Variants in BRMS1L observed in about 807,000 individuals in gnomAD.
BRMS1L encodes breast cancer metastasis-suppressor 1-like protein.
BRMS1L carries 23 observed loss-of-function variants against 50.3 expected under a neutral mutation model. The observed-to-expected ratio is 0.46, with a 90% CI of 0.33 to 0.65. BRMS1L has a LOEUF of 0.65. BRMS1L is among the 30% of genes least tolerant of loss of function. BRMS1L has a pLI of 0.02. For synonymous variants in BRMS1L, 114 were observed against 126.9 expected (o/e 0.90, Z 0.69); for missense variants, 286 against 386.1 (o/e 0.74, Z 2.17).
intron 4 of BRMS1L, among the ~76,000 whole-genome samples, chr14:35,856,968 C>T (rs937374248): frequency 2.0e-5 from 3 of 151,778 alleles, no homozygotes; most frequent in South Asian, 2.1e-4. Context: ...TGGCCGGGCA[C>T]GGTGGCTTAT....
At chr14:35,829,323 T>G (rs1281956977) in intron 1 of BRMS1L, among the ~76,000 whole-genome samples, 2 of 152,250 alleles carry the variant, frequency 1.3e-5, no homozygotes, top group African/African-American at 4.8e-5. Flanking sequence ...AAGGATCTCA[T>G]AAAATTCTAT....
At chr14:35,856,599 T>C (rs1205858903) in intron 4 of BRMS1L, among the ~76,000 whole-genome samples, 1 of 149,488 alleles carries the variant, frequency 6.7e-6, no homozygotes, top group Non-Finnish European at 1.5e-5. Flanking sequence ...TTAATAAGTA[T>C]GTACATTTTT....
chr14:35,851,774 C>T (rs559013498), intron 4 of BRMS1L, among the ~76,000 whole-genome samples: 19 of 152,098 alleles, frequency 1.2e-4, no homozygotes, highest in Non-Finnish European at 1.6e-4. Flanking sequence ...GTAGAACCAC[C>T]GTATGAGCCA....
At chr14:35,849,429 A>G (rs984348464) in intron 4 of BRMS1L, among the ~76,000 whole-genome samples, 1 of 152,072 alleles carries the variant, frequency 6.6e-6, no homozygotes, top group Middle Eastern at 3.2e-3. Flanking sequence ...GTAGGACTAT[A>G]GGCATGTGCC....
In BRMS1L at chr14:35,854,757, T is replaced by C. The variant is rs1009978750; in HGVS notation, c.442-7833T>C. Among the ~76,000 whole-genome samples the C allele has an allele frequency of 3.3e-5, 5 of 152,224 alleles. No individual in the cohort carries two copies. The South Asian group carries it at 6.2e-4, about 19-fold the overall frequency. ...TATGATTCTGACCTAAGGCAGACTT[T>C]ATTGGTAGGAATTCTGTGAGCACTG... On this transcript the variant is annotated intron_variant, in intron 4 of 9. Coordinates refer to ENST00000216807, the MANE Select transcript of BRMS1L (RefSeq NM_032352.4).
At chr14:35,859,091 G>T (rs111603052) in intron 4 of BRMS1L, among the ~76,000 whole-genome samples, 4,610 of 151,850 alleles carry the variant, frequency 0.03, 190 homozygotes, top group African/African-American at 0.088. Context: ...ACAGGTTCCT[G>T]CACCACGCCC....
At chr14:35,848,719 A>G (rs1459836224) in intron 4 of BRMS1L, among the ~76,000 whole-genome samples, 1 of 152,034 alleles carries the variant, frequency 6.6e-6, no homozygotes, top group Non-Finnish European at 1.5e-5. Flanking sequence ...TTATCTTTCT[A>G]TGCCTGACTT....
intron 4 of BRMS1L, among the ~76,000 whole-genome samples, chr14:35,849,833 T>TC (rs1370959805): frequency 2.6e-5 from 4 of 152,092 alleles, no homozygotes; most frequent in Non-Finnish European, 4.4e-5. Context: ...CTTTTTTTTT[T>TC]TGTTGACACA....
intron 4 of BRMS1L, among the ~76,000 whole-genome samples, chr14:35,853,020 A>ATCTATCTATCTATCTG (rs2078233656): frequency 6.6e-6 from 1 of 150,606 alleles, no homozygotes; most frequent in South Asian, 2.1e-4. Flanking sequence ...CTATCTATAT[A>ATCTATCTATCTATCTG]TAGAGAGAGA....
Position 35,863,932 on chromosome 14 carries a change from A to C in BRMS1L, c.601A>C (p.Lys201Gln). The change falls in exon 6 of 10, where the codon AAG becomes CAG. Residue 201 changes from lysine to glutamine, a missense_variant. By Grantham distance (53) the Lys-to-Gln change is moderately conservative. Around this residue, in one of 5 missense-constraint regions of BRMS1L, gnomAD observed 160 missense variants for 240.6 expected, o/e 0.66. Transcript: ENST00000216807. The part of the protein sequence containing the change: ...KRKDPFSPDK[K>Q]KPVVVSGPYI... ...GAAGGATCCTTTCAGTCCTGACAAA[A>C]AGAAGCCAGTTGTTGTTTCAGATAT... 1 of 1,613,928 alleles carries C rather than the reference A, an allele frequency of 6.2e-7. No individual in the cohort carries two copies. The highest frequency in any genetic ancestry group is 8.5e-7 in the Non-Finnish European group (1 of 1,179,950).
chr14:35,863,063 A>G (rs2078374164), intron 5 of BRMS1L, among the ~76,000 whole-genome samples: 1 of 151,996 alleles, frequency 6.6e-6, no homozygotes. Context: ...GTGAGCCATG[A>G]TGGCGCCACT....
At chr14:35,863,796 C>T (rs2078384332) in intron 5 of BRMS1L, 74 bp from the exon 6 acceptor site, 2 of 1,337,322 alleles carry the variant, frequency 1.5e-6, no homozygotes, top group South Asian at 2.6e-5. Flanking sequence ...AAATAGCCAC[C>T]ATAAAATTAG....
At chr14:35,868,096 A>G (rs2078444614) in intron 9 of BRMS1L, 64 bp downstream of exon 9, 5 of 1,482,270 alleles carry the variant, frequency 3.4e-6, no homozygotes, top group Non-Finnish European at 4.5e-6. Flanking sequence ...GTTGTCAGTG[A>G]AATATTTCCT....
At chr14:35,832,369 A>T (rs2077932410) in intron 2 of BRMS1L, among the ~76,000 whole-genome samples, 1 of 146,514 alleles carries the variant, frequency 6.8e-6, no homozygotes, top group South Asian at 2.2e-4. Context: ...AAAAAAAAAA[A>T]TTAGCCGGGC....
At chr14:35,838,893 T>G (rs1310923293) in intron 4 of BRMS1L, among the ~76,000 whole-genome samples, 3 of 134,896 alleles carry the variant, frequency 2.2e-5, no homozygotes, top group African/African-American at 1.0e-4. Context: ...CATTTGTCAA[T>G]TTTGGCTTTT....
intron 9 of BRMS1L, among the ~76,000 whole-genome samples, chr14:35,869,457 C>A (rs962747646): frequency 3.3e-5 from 5 of 151,878 alleles, no homozygotes; most frequent in Non-Finnish European, 7.4e-5. Context: ...ATCACTTGAG[C>A]CTGAGAGGTT....
intron 1 of BRMS1L, among the ~76,000 whole-genome samples, chr14:35,828,900 A>C (rs2077882505): frequency 6.6e-6 from 1 of 152,174 alleles, no homozygotes. Context: ...TGAGATTTCA[A>C]AAGCGGGGAA....
Position 35,827,154 on chromosome 14 carries a change from G to A in BRMS1L, c.142+496G>A, listed in dbSNP as rs145482739. Among the ~76,000 whole-genome samples the A allele has an allele frequency of 4.6e-3, 703 of 152,284 alleles. 6 individuals carry two copies. The highest frequency in any genetic ancestry group is 0.016 in the African/African-American group (665 of 41,560). On this transcript the variant is annotated intron_variant, in intron 1 of 9. Coordinates refer to ENST00000216807, the MANE Select transcript of BRMS1L (RefSeq NM_032352.4). ...CGGGGGCTAACTTGAGAGCGGTCCCGTTCAGTAGCTCCCTGAAGTTTGCAA... is the reference window on the plus strand; with the variant it reads ...CGGGGGCTAACTTGAGAGCGGTCCCATTCAGTAGCTCCCTGAAGTTTGCAA...
In BRMS1L at chr14:35,838,840, A is replaced by G. The variant is rs1045311027; in HGVS notation, c.441+3917A>G. Reference sequence around the variant, plus strand: ...TAGGTTGCCTGTTCACTCTGATGATAGTTTCTTTTGCTCTGCAGAAGCTCT... The same window carrying G: ...TAGGTTGCCTGTTCACTCTGATGATGGTTTCTTTTGCTCTGCAGAAGCTCT... On this transcript the variant is annotated intron_variant, in intron 4 of 9. Coordinates refer to ENST00000216807, the MANE Select transcript of BRMS1L (RefSeq NM_032352.4). 2.1e-4 allele frequency among the ~76,000 whole-genome samples: 32 copies of G among 152,114 alleles called. 1 individual carries two copies. Among genetic ancestry groups the G allele is most frequent in the African/African-American group, 7.7e-4 (32 of 41,424 alleles).
Sources: allele counts gnomAD v4.1 joint callset (sites outside exome capture counted in the v4.1 genomes callset), GRCh38; gene constraint gnomAD v4.1.1; regional missense constraint gnomAD v4.1.1; transcripts MANE v1.5; gene names NCBI Gene and HGNC (gene_info 2026-07-23, HGNC 2026-07-21).